Variants in SETD7 observed in about 807,000 individuals in gnomAD.
SETD7 encodes the protein histone-lysine N-methyltransferase SETD7.
In SETD7, 16 loss-of-function variants were observed where a neutral mutation model predicts 41.8. That is an observed-to-expected ratio of 0.38 (90% CI 0.26 to 0.58). The LOEUF is 0.58. SETD7 is among the 20% of genes least tolerant of loss of function. The pLI is 0.64. For missense variants in SETD7, 346 were observed against 459.7 expected, an observed-to-expected ratio of 0.75 and a Z score of 2.26; for synonymous variants, 163 against 169.7, an observed-to-expected ratio of 0.96 and a Z score of 0.31.
rs77978179 is a variant in SETD7, at chr4:139,539,002, T to G, written c.171-5636A>C. Among the ~76,000 whole-genome samples, 1,001 of 152,330 alleles carry G rather than the reference T, an allele frequency of 6.6e-3. 34 individuals are homozygous for G. Among genetic ancestry groups the G allele is most frequent in the Admixed American group, 0.046 (700 of 15,294 alleles). On this transcript the variant is annotated intron_variant, in intron 2 of 7. Transcript: ENST00000274031. Reference sequence around the variant, plus strand: ...AAGAAATGGATAAATTTTATAGTTGTTTTCCTAGACTTACATATCTGCATT... The same window carrying G: ...AAGAAATGGATAAATTTTATAGTTGGTTTCCTAGACTTACATATCTGCATT...
In SETD7 at chr4:139,509,735, A is replaced by T. The variant is rs1257860003; in HGVS notation, c.*1928T>A. ...CCAGAGGCCCTGGCCCATCCGTCAC[A>T]GTGTATAGAACGGTCTCTTTCTACA... On this transcript the variant is annotated 3_prime_UTR_variant, in exon 8 of 8. Coordinates refer to ENST00000274031, the MANE Select transcript of SETD7 (RefSeq NM_030648.4). The T allele has an allele frequency of 1.0e-6, 1 of 985,418 alleles. No individual in the cohort carries two copies. The highest frequency in any genetic ancestry group is 1.2e-6 in the Non-Finnish European group (1 of 829,998). The allele number at this position is 985,418 out of a possible 1,614,324, so 61.0% of individuals were successfully genotyped here. A position where few individuals can be genotyped will look rare whatever the true frequency, so the allele number is the denominator to read the frequency against.
chr4:139,507,621 G>C lies in SETD7; in HGVS notation c.*4042C>G, dbSNP rs1357083876. The C allele has an allele frequency of 6.6e-6, 1 of 152,494 alleles. No homozygotes were observed. Among genetic ancestry groups the C allele is most frequent in the Non-Finnish European group, 1.5e-5 (1 of 68,018 alleles). The allele number at this position is 152,494 out of a possible 1,614,324, so 9.4% of individuals were successfully genotyped here. A position where few individuals can be genotyped will look rare whatever the true frequency, so the allele number is the denominator to read the frequency against. ...AAACACATTAAAATTTGTGAAAAGG[G>C]TTCCCACCCCTGTGGTTGTATGGCT... On this transcript the variant is annotated 3_prime_UTR_variant, in exon 8 of 8. Transcript: ENST00000274031.
chr4:139,518,975 C>T (rs1727106793), intron 6 of SETD7, among the ~76,000 whole-genome samples: 1 of 152,218 alleles, frequency 6.6e-6, no homozygotes, highest in African/African-American at 2.4e-5. Flanking sequence ...CCATTTCCCC[C>T]ACTATTAAAT....
At chr4:139,545,417 A>G (rs1304426465) in intron 2 of SETD7, among the ~76,000 whole-genome samples, 1 of 152,162 alleles carries the variant, frequency 6.6e-6, no homozygotes, top group Non-Finnish European at 1.5e-5. Context: ...GTGAGCCAAC[A>G]TGCCCAGGCC....
rs1246740966 is a variant in SETD7, at chr4:139,506,345, T to C, written c.*5318A>G. 6.5e-6 allele frequency: 1 copy of C among 152,684 alleles called. No individual in the cohort carries two copies. Among genetic ancestry groups the C allele is most frequent in the East Asian group, 1.9e-4 (1 of 5,202 alleles). 9.5% of individuals were successfully genotyped at this position (152,684 alleles called of 1,614,324 possible). A position where few individuals can be genotyped will look rare whatever the true frequency, so the allele number is the denominator to read the frequency against. ...GACCAAAGATGCTCGTTAACCGTGATGGGGTTAACTTTTGGTTGCAATAAA... is the reference window on the plus strand; with the variant it reads ...GACCAAAGATGCTCGTTAACCGTGACGGGGTTAACTTTTGGTTGCAATAAA... On this transcript the variant is annotated 3_prime_UTR_variant, in exon 8 of 8. Coordinates refer to ENST00000274031, the MANE Select transcript of SETD7 (RefSeq NM_030648.4).
intron 2 of SETD7, among the ~76,000 whole-genome samples, chr4:139,544,163 G>T (rs2646041): frequency 0.075 from 11,410 of 151,780 alleles, 502 homozygotes; most frequent in African/African-American, 0.12. Flanking sequence ...GTGGTGGCAT[G>T]CACCTGTAGT....
intron 1 of SETD7, among the ~76,000 whole-genome samples, chr4:139,554,793 C>T (rs906020617): frequency 2.0e-5 from 3 of 152,226 alleles, no homozygotes; most frequent in Admixed American, 6.5e-5. Context: ...TTAATCTCCC[C>T]TTAAGATCTC....
chr4:139,518,991 T>C (rs1720959755), intron 6 of SETD7, among the ~76,000 whole-genome samples: 1 of 152,244 alleles, frequency 6.6e-6, no homozygotes, highest in Admixed American at 6.5e-5. Context: ...TAAATTGTAA[T>C]TGTGCTTTTA....
downstream of SETD7, among the ~76,000 whole-genome samples, chr4:139,502,610 G>A (rs569429562): frequency 6.6e-6 from 1 of 152,146 alleles, no homozygotes; most frequent in African/African-American, 2.4e-5. Context: ...GAGAGTAGTC[G>A]AAAGCCCAGC....
rs1728221183 is a variant in SETD7, at chr4:139,555,178, CTAACA to C, written c.40+915_40+919del. 4.3e-5 allele frequency among the ~76,000 whole-genome samples: 3 copies of C among 70,570 alleles called. No individual in the cohort carries two copies. The highest frequency in any genetic ancestry group is 2.2e-4 in the African/African-American group (3 of 13,598). The allele number at this position is 70,570 out of a possible 152,430, so 46.3% of individuals were successfully genotyped here. ...ACGTCCCCACATCGTTTTTTCAGAA[CTAACA>C]AAAAAAAAAAAAAAAAGGTGGAGAA... On this transcript the variant is annotated intron_variant, in intron 1 of 7. Transcript: ENST00000274031. The surrounding 1 kb of genome is among the most constrained non-coding windows in gnomAD (Gnocchi z 4.0).
At position 139,507,450 on chromosome 4, in the gene SETD7, A is replaced by G. The variant is rs1726739762; in HGVS notation, c.*4213T>C. 6.5e-6 allele frequency: 1 copy of G among 152,684 alleles called. No homozygotes were observed. The highest frequency in any genetic ancestry group is 6.5e-5 in the Admixed American group (1 of 15,290). The allele number at this position is 152,684 out of a possible 1,614,324, so 9.5% of individuals were successfully genotyped here. On this transcript the variant is annotated 3_prime_UTR_variant, in exon 8 of 8. Coordinates refer to ENST00000274031, the MANE Select transcript of SETD7 (RefSeq NM_030648.4). ...AGGCTTTTGATTTTTAAAAATCAAA[A>G]TTGATCTGCATTACATCTCAATAGA...
At chr4:139,502,861 A>G (rs1235478199), downstream of SETD7, among the ~76,000 whole-genome samples, 2 of 152,134 alleles carry the variant, frequency 1.3e-5, no homozygotes, top group Admixed American at 1.3e-4. Context: ...CGGGATCAGG[A>G]TAGAAATTGG....
At chr4:139,540,084 C>T (rs1727742144) in intron 2 of SETD7, among the ~76,000 whole-genome samples, 1 of 152,072 alleles carries the variant, frequency 6.6e-6, no homozygotes, top group African/African-American at 2.4e-5. Context: ...TAAAATAATC[C>T]ATCTTTTCCC....
At chr4:139,526,909 A>C (rs919434866) in intron 4 of SETD7, among the ~76,000 whole-genome samples, 4 of 152,258 alleles carry the variant, frequency 2.6e-5, no homozygotes, top group Non-Finnish European at 5.9e-5. Context: ...CATAGATATC[A>C]CAGTTTGTAG....
rs753867398 is a variant in SETD7, at chr4:139,511,849, C to T, written c.921-6G>A. On this transcript the variant is annotated splice_polypyrimidine_tract_variant and splice_region_variant and intron_variant, in intron 7 of 7. Transcript: ENST00000274031. ...CAAAACGGGGGTGGACAAACCTAAACATCAAGATGCACACAGTCATTCCCG... is the reference window on the plus strand; with the variant it reads ...CAAAACGGGGGTGGACAAACCTAAATATCAAGATGCACACAGTCATTCCCG... 6.2e-7 allele frequency: 1 copy of T among 1,608,280 alleles called. No homozygotes were observed. Among genetic ancestry groups the T allele is most frequent in the Non-Finnish European group, 8.5e-7 (1 of 1,177,046 alleles).
In SETD7 at chr4:139,507,395, G is replaced by A. The variant is rs748422656; in HGVS notation, c.*4268C>T. 3 of 152,554 alleles carry A rather than the reference G, an allele frequency of 2.0e-5. No individual in the cohort carries two copies. The highest frequency in any genetic ancestry group is 4.1e-4 in the South Asian group (2 of 4,830). The allele number at this position is 152,554 out of a possible 1,614,324, so 9.5% of individuals were successfully genotyped here. A position where few individuals can be genotyped will look rare whatever the true frequency, so the allele number is the denominator to read the frequency against. On this transcript the variant is annotated 3_prime_UTR_variant, in exon 8 of 8. Coordinates refer to ENST00000274031, the MANE Select transcript of SETD7 (RefSeq NM_030648.4). ...TCTCCACGTCAGGTGCAACAACGCC[G>A]AGGAAGTTGCTGAGAGTCAGAGTTA...
chr4:139,503,335 G>A (rs564856562), downstream of SETD7, among the ~76,000 whole-genome samples: 5 of 152,116 alleles, frequency 3.3e-5, no homozygotes, highest in Admixed American at 6.6e-5. Context: ...TTAACCCCTG[G>A]AGAGCAAGCG....
At chr4:139,523,881 CCAGAA>C (rs1560681520) in intron 4 of SETD7, among the ~76,000 whole-genome samples, 1 of 152,200 alleles carries the variant, frequency 6.6e-6, no homozygotes, top group Non-Finnish European at 1.5e-5. Flanking sequence ...TTCTGCCTCA[CCAGAA>C]TTAAGGAGAA....
At chr4:139,554,323 A>C (rs1728197245) in intron 1 of SETD7, among the ~76,000 whole-genome samples, 1 of 152,260 alleles carries the variant, frequency 6.6e-6, no homozygotes, top group South Asian at 2.1e-4. Flanking sequence ...CAGTCTGCAA[A>C]GGAGCCTGAG....
Sources: gnomAD v4.1 joint callset for allele counts (sites outside exome capture counted in the v4.1 genomes callset) on GRCh38, gnomAD v4.1.1 for gene constraint, Gnocchi (gnomAD v3.1) non-coding constraint, MANE v1.5 for transcripts, NCBI Gene and HGNC (gene_info 2026-07-23, HGNC 2026-07-21) for gene names.